CLASP1: variants seen among roughly 807,000 people sequenced by gnomAD.
CLASP1 encodes the protein cytoplasmic linker associated protein 1.
In CLASP1, 38 loss-of-function variants were observed where a neutral mutation model predicts 192.3. The ratio of observed to expected loss-of-function variants is 0.20; its 90% CI spans 0.15 to 0.26. The LOEUF (loss-of-function observed/expected upper bound fraction) is 0.26, where lower values mean the gene tolerates loss of function less well. Among genes scored for constraint, CLASP1 ranks in the 10% least tolerant of loss-of-function variants. The probability of loss-of-function intolerance (pLI) is 1.00; values close to 1 mark genes in which losing one functional copy is unlikely to be tolerated. For missense variants in CLASP1, 1,433 were observed against 1,932.5 expected, an observed-to-expected ratio of 0.74 and a Z score of 4.85; for synonymous variants, 691 against 712.8, an observed-to-expected ratio of 0.97 and a Z score of 0.49.
intron 20 of CLASP1, among the ~76,000 whole-genome samples, chr2:121,429,617 AG>A (rs1327945156): frequency 5.9e-5 from 9 of 152,240 alleles, no homozygotes; most frequent in African/African-American, 1.9e-4. Flanking sequence ...GCAGGAAGAG[AG>A]GTGCGGGCTG....
intron 1 of CLASP1, among the ~76,000 whole-genome samples, chr2:121,615,416 A>G (rs1278447538): frequency 6.6e-6 from 1 of 152,180 alleles, no homozygotes; most frequent in African/African-American, 2.4e-5. Flanking sequence ...GAAGAGTGGT[A>G]TGGCAGACAT....
chr2:121,450,996 T>C lies in CLASP1; in HGVS notation c.1446-6A>G, dbSNP rs1397709630. 25 of 1,552,122 alleles carry C rather than the reference T, an allele frequency of 1.6e-5. No homozygotes were observed. Among genetic ancestry groups the C allele is most frequent in the Non-Finnish European group, 2.2e-5 (25 of 1,128,212 alleles). ...CAGCTAATACTGATATGTGTCTAGA[T>C]ATTTAGAAAAGAAAGCAGTAACAAT... On this transcript the variant is annotated splice_region_variant and splice_polypyrimidine_tract_variant and intron_variant, in intron 15 of 39. Transcript: ENST00000263710.
At chr2:121,642,401 T>TAAAA (rs35181269) in intron 1 of CLASP1, among the ~76,000 whole-genome samples, 1 of 107,510 alleles carries the variant, frequency 9.3e-6, no homozygotes, top group Non-Finnish European at 2.0e-5. Context: ...ATCTTTTTGC[T>TAAAA]AAAAAAAAAA....
intron 8 of CLASP1, among the ~76,000 whole-genome samples, chr2:121,498,916 T>C (rs2093636772): frequency 6.6e-6 from 1 of 152,094 alleles, no homozygotes; most frequent in African/African-American, 2.4e-5. Context: ...AGATAGACAA[T>C]GACAATTGTT....
rs556785725 is a variant in CLASP1, at chr2:121,570,362, A to G, written c.195+35339T>C. Among the ~76,000 whole-genome samples, 5 of 152,384 alleles carry G rather than the reference A, an allele frequency of 3.3e-5. No homozygotes were observed. In the East Asian group the frequency reaches 9.6e-4, roughly 29 times the overall value. On this transcript the variant is annotated intron_variant, in intron 2 of 39. Coordinates refer to ENST00000263710, the Ensembl canonical transcript of CLASP1. ...AAGTAGAACACTGTTTCTTAAACAT[A>G]AAGCCAATCTTCTCTTGTGTAAAAA... is the stretch of plus-strand genomic sequence containing the variant.
At chr2:121,647,106 G>T (rs986010766) in intron 1 of CLASP1, among the ~76,000 whole-genome samples, 25 of 151,028 alleles carry the variant, frequency 1.7e-4, no homozygotes, top group African/African-American at 5.6e-4. Context: ...GATTGCTCAC[G>T]CCTGTAATCC....
intron 2 of CLASP1, among the ~76,000 whole-genome samples, chr2:121,561,598 T>C (rs941530254): frequency 2.6e-5 from 4 of 151,628 alleles, no homozygotes; most frequent in African/African-American, 9.7e-5. Flanking sequence ...CTGATGAGCT[T>C]AAAAAAAAAT....
At chr2:121,440,107 A>C (rs1013136382) in intron 19 of CLASP1, among the ~76,000 whole-genome samples, 4 of 151,650 alleles carry the variant, frequency 2.6e-5, no homozygotes, top group South Asian at 2.1e-4. Flanking sequence ...AAAAAAAAAA[A>C]AAAAAACTAA....
intron 2 of CLASP1, among the ~76,000 whole-genome samples, chr2:121,536,145 G>A (rs1381457513): frequency 1.3e-5 from 2 of 151,310 alleles, no homozygotes; most frequent in African/African-American, 4.9e-5. Context: ...ACTTTGGGAG[G>A]CCGAGGTGGG....
At chr2:121,482,549 C>T (rs542919903) in intron 8 of CLASP1, among the ~76,000 whole-genome samples, 2 of 152,152 alleles carry the variant, frequency 1.3e-5, no homozygotes, top group African/African-American at 4.8e-5. Context: ...ACCCTTAGAG[C>T]CAAAAAGCAA....
At chr2:121,447,610 G>A (rs1043917402) in intron 18 of CLASP1, 103 bp from the exon 19 acceptor site, 2 of 987,232 alleles carry the variant, frequency 2.0e-6, no homozygotes, top group East Asian at 2.6e-5. Flanking sequence ...CAAATACCAA[G>A]TTTTAACAAA....
At chr2:121,596,901 AC>A (rs2063205912) in intron 2 of CLASP1, among the ~76,000 whole-genome samples, 1 of 152,150 alleles carries the variant, frequency 6.6e-6, no homozygotes, top group Admixed American at 6.5e-5. Flanking sequence ...CTCCAATCAG[AC>A]CACAGGGCAG....
intron 7 of CLASP1, among the ~76,000 whole-genome samples, chr2:121,505,803 ATTAGAAT>A (rs1334172264): frequency 6.6e-6 from 1 of 152,136 alleles, no homozygotes. Flanking sequence ...CTTCAATCCA[ATTAGAAT>A]TTATTTTACT....
intron 16 of CLASP1, among the ~76,000 whole-genome samples, chr2:121,450,415 A>C (rs1381918955): frequency 6.6e-6 from 1 of 152,184 alleles, no homozygotes; most frequent in East Asian, 1.9e-4. Flanking sequence ...TAATGGCAAA[A>C]GTACCTCACT....
At chr2:121,566,845 T>C (rs1377582232) in intron 2 of CLASP1, among the ~76,000 whole-genome samples, 26 of 152,192 alleles carry the variant, frequency 1.7e-4, no homozygotes. Context: ...ATAATTTTTT[T>C]ACTTTCCAAG....
chr2:121,566,227 G>C (rs550686469), intron 2 of CLASP1, among the ~76,000 whole-genome samples: 1 of 152,352 alleles, frequency 6.6e-6, no homozygotes, highest in East Asian at 1.9e-4. Context: ...GACGAAAGCA[G>C]TGGGACCACA....
exon 9 of CLASP1, chr2:121,469,885 G>A (rs774131776): frequency 1.9e-6 from 3 of 1,613,842 alleles, no homozygotes; most frequent in African/African-American, 1.3e-5. Context: ...AGAACTTGGT[G>A]GAGCCTTGGA....
chr2:121,434,787 A>G (rs1037071016), intron 19 of CLASP1, among the ~76,000 whole-genome samples: 15 of 150,224 alleles, frequency 1.0e-4, no homozygotes, highest in African/African-American at 3.7e-4. Context: ...GCTAGGAGTT[A>G]GAGACCAGCC....
rs144655903 is a variant in CLASP1, at chr2:121,488,521, C to T, written c.712+14646G>A. ...CAGAGCACTTGGCCTGACAAAATGG[C>T]TTTCTGGAATAAAGACTTGTCTAAG... On this transcript the variant is annotated intron_variant, in intron 8 of 39. Transcript: ENST00000263710. 3.0e-4 allele frequency among the ~76,000 whole-genome samples: 46 copies of T among 152,326 alleles called. No homozygotes were observed. The East Asian group carries it at 8.5e-3, about 28-fold the overall frequency.
Sources: allele counts gnomAD v4.1 joint callset (sites outside exome capture counted in the v4.1 genomes callset), GRCh38; gene constraint gnomAD v4.1.1; transcripts MANE v1.5; gene names NCBI Gene and HGNC (gene_info 2026-07-23, HGNC 2026-07-21).